HYCC2: variants seen among roughly 807,000 people sequenced by gnomAD.
HYCC2 encodes hyccin 2.
At chr2:201,053,612 G>A in the HYCC2 span, among the ~76,000 whole-genome samples, 7 of 152,262 alleles carry the variant, frequency 4.6e-5, no homozygotes, top group East Asian at 1.3e-3. Context: ...TGTGAGTGAA[G>A]CCATCTTAAA....
At chr2:201,009,062 C>A in the HYCC2 span, 1 of 1,613,594 alleles carries the variant, frequency 6.2e-7, no homozygotes, top group South Asian at 1.1e-5. Flanking sequence ...CCCCTTCTGT[C>A]AAAGCCATGG....
At chr2:200,993,135 C>G in the HYCC2 span, 1 of 616,734 alleles carries the variant, frequency 1.6e-6, no homozygotes, top group Non-Finnish European at 2.8e-6. Context: ...TACCAGTCAT[C>G]GTTCTGGGCC....
the HYCC2 span, among the ~76,000 whole-genome samples, chr2:201,067,794 T>C: frequency 2.6e-5 from 4 of 152,258 alleles, no homozygotes; most frequent in Admixed American, 6.5e-5. Flanking sequence ...AGTTTAATTC[T>C]AGAACTAGAT....
At chr2:200,981,965 C>T in the HYCC2 span, 16,003 of 1,391,186 alleles carry the variant, frequency 0.012, 132 homozygotes, top group Non-Finnish European at 0.013. This position sits in a 1 kb window ranked among gnomAD's most constrained non-coding sequence, Gnocchi z 4.5. Flanking sequence ...GGGCAATGTT[C>T]GCTATAGGTT....
chr2:201,010,872 C>T, the HYCC2 span, among the ~76,000 whole-genome samples: 1 of 151,662 alleles, frequency 6.6e-6, no homozygotes, highest in Non-Finnish European at 1.5e-5. Context: ...TAGAGTCAGG[C>T]GTGGTGGCTC....
At chr2:201,032,487 A>G in the HYCC2 span, among the ~76,000 whole-genome samples, 1 of 152,208 alleles carries the variant, frequency 6.6e-6, no homozygotes, top group Non-Finnish European at 1.5e-5. Context: ...AGAGAAGCAC[A>G]GCACTGCTCT....
the HYCC2 span, chr2:200,997,528 C>G: frequency 6.2e-7 from 1 of 1,611,456 alleles, no homozygotes; most frequent in African/African-American, 1.3e-5. Context: ...TGAGAAAACT[C>G]AGGACTTCAA....
chr2:200,985,263 G>A, the HYCC2 span, among the ~76,000 whole-genome samples: 12 of 151,640 alleles, frequency 7.9e-5, no homozygotes, highest in Admixed American at 7.9e-4. Context: ...ATTCCTTTTT[G>A]TATTTACACT....
At chr2:200,999,022 T>G in the HYCC2 span, among the ~76,000 whole-genome samples, 9 of 152,304 alleles carry the variant, frequency 5.9e-5, no homozygotes, top group African/African-American at 2.2e-4. Flanking sequence ...GCCCTAGCTG[T>G]GATGGGGGTG....
the HYCC2 span, among the ~76,000 whole-genome samples, chr2:200,983,651 A>C: frequency 6.9e-6 from 1 of 145,952 alleles, no homozygotes; most frequent in Non-Finnish European, 1.5e-5. Flanking sequence ...CAAAATAAAA[A>C]CTTTAAATTA....
chr2:201,011,340 A>G, the HYCC2 span: 4 of 1,063,852 alleles, frequency 3.8e-6, no homozygotes, highest in Non-Finnish European at 5.4e-6. Context: ...TGACTTTTTG[A>G]TTTGTTACTC....
chr2:201,055,457 G>A, the HYCC2 span, among the ~76,000 whole-genome samples: 1 of 151,024 alleles, frequency 6.6e-6, no homozygotes, highest in South Asian at 2.1e-4. Context: ...CCAGCACTTT[G>A]GGAGGCCGAG....
chr2:201,049,717 C>G, the HYCC2 span, among the ~76,000 whole-genome samples: 1 of 151,728 alleles, frequency 6.6e-6, no homozygotes, highest in African/African-American at 2.4e-5. Context: ...CAACATACTT[C>G]AAAAAAGATG....
the HYCC2 span, chr2:201,063,429 A>G: frequency 6.3e-7 from 1 of 1,590,458 alleles, no homozygotes; most frequent in Admixed American, 1.7e-5. Flanking sequence ...GGCATTAAAG[A>G]AGACACTGAA....
the HYCC2 span, chr2:200,981,864 C>T: frequency 1.9e-6 from 3 of 1,597,850 alleles, no homozygotes; most frequent in Non-Finnish European, 2.6e-6. The surrounding 1 kb of genome is among the most constrained non-coding windows in gnomAD (Gnocchi z 4.5). Context: ...CATTTACACC[C>T]TCAGCACCTA....
At chr2:201,067,896 A>G in the HYCC2 span, among the ~76,000 whole-genome samples, 1 of 152,212 alleles carries the variant, frequency 6.6e-6, no homozygotes, top group Non-Finnish European at 1.5e-5. Context: ...GATTTATGGA[A>G]AGCAGCTAAG....
the HYCC2 span, among the ~76,000 whole-genome samples, chr2:201,007,204 G>A: frequency 1.3e-5 from 2 of 152,032 alleles, no homozygotes; most frequent in African/African-American, 2.4e-5. Context: ...GGTGTTTCTC[G>A]ACCTATGATG....
chr2:200,984,130 C>T, the HYCC2 span, among the ~76,000 whole-genome samples: 2 of 152,106 alleles, frequency 1.3e-5, no homozygotes, highest in African/African-American at 4.8e-5. Flanking sequence ...GCCTCAACCT[C>T]CCAGGCTCAA....
chr2:201,010,322 T>C, the HYCC2 span, among the ~76,000 whole-genome samples: 1 of 152,140 alleles, frequency 6.6e-6, no homozygotes, highest in Non-Finnish European at 1.5e-5. Flanking sequence ...CAAAGAGCTA[T>C]GAGATGGTCA....
Sources: allele counts gnomAD v4.1 joint callset (sites outside exome capture counted in the v4.1 genomes callset), GRCh38; gene constraint gnomAD v4.1.1; non-coding constraint Gnocchi (gnomAD v3.1); transcripts MANE v1.5; gene names NCBI Gene and HGNC (gene_info 2026-07-23, HGNC 2026-07-21).